PBX3: variants seen among roughly 807,000 people sequenced by gnomAD.
PBX3 encodes the protein pre-B-cell leukemia transcription factor 3.
In PBX3, 14 loss-of-function variants were observed where a neutral mutation model predicts 48.5. The observed-to-expected ratio is 0.29, with a 90% CI of 0.19 to 0.45. The LOEUF is 0.45. Among genes scored for constraint, PBX3 ranks in the 20% least tolerant of loss-of-function variants. PBX3 has a pLI of 1.00. For missense variants in PBX3, 386 were observed against 546.7 expected (o/e 0.71, Z 2.93); for synonymous variants, 210 against 200.3 (o/e 1.05, Z -0.41).
intron 2 of PBX3, among the ~76,000 whole-genome samples, chr9:125,868,179 G>GTTT (rs56660114): frequency 2.6e-4 from 39 of 147,464 alleles, no homozygotes; most frequent in African/African-American, 8.9e-4. Flanking sequence ...CCAGACTGCA[G>GTTT]TTTTTTTTTT....
intron 2 of PBX3, among the ~76,000 whole-genome samples, chr9:125,818,977 A>C (rs892267190): frequency 4.6e-5 from 7 of 151,744 alleles, no homozygotes; most frequent in African/African-American, 1.7e-4. Flanking sequence ...CTGGGACTAG[A>C]GGTATGCACC....
chr9:125,910,074 T>C (rs1292506423), intron 2 of PBX3, among the ~76,000 whole-genome samples: 3 of 152,178 alleles, frequency 2.0e-5, no homozygotes, highest in African/African-American at 7.2e-5. Flanking sequence ...TTATGGGGAA[T>C]CTTTCTAGTC....
chr9:125,794,593 T>G (rs769599132), intron 2 of PBX3, among the ~76,000 whole-genome samples: 33 of 151,968 alleles, frequency 2.2e-4, no homozygotes, highest in Non-Finnish European at 4.4e-5. Context: ...AAAAAGATTC[T>G]GAGAACAAAA....
intron 2 of PBX3, among the ~76,000 whole-genome samples, chr9:125,781,176 A>T (rs1290315170): frequency 1.3e-5 from 2 of 149,976 alleles, no homozygotes; most frequent in African/African-American, 4.9e-5. Flanking sequence ...GGCGGCTGGG[A>T]GATGGAGGTT....
chr9:125,866,368 T>G (rs1329685153), intron 2 of PBX3, among the ~76,000 whole-genome samples: 1 of 152,236 alleles, frequency 6.6e-6, no homozygotes. Context: ...GGGGTTAGTT[T>G]AAAATATGGC....
chr9:125,857,484 G>C (rs1214004425), intron 2 of PBX3, among the ~76,000 whole-genome samples: 3 of 151,998 alleles, frequency 2.0e-5, no homozygotes, highest in Non-Finnish European at 2.9e-5. Flanking sequence ...TTCTCCAAAA[G>C]CTTTAGGTAA....
At chr9:125,862,229 C>T (rs1588232359) in intron 2 of PBX3, among the ~76,000 whole-genome samples, 1 of 152,112 alleles carries the variant, frequency 6.6e-6, no homozygotes, top group African/African-American at 2.4e-5. Context: ...TTTCAGTCAA[C>T]AAACCATTTG....
At chr9:125,930,566 T>C (rs1362197495) in intron 4 of PBX3, among the ~76,000 whole-genome samples, 5 of 152,246 alleles carry the variant, frequency 3.3e-5, no homozygotes, top group Non-Finnish European at 7.3e-5. Flanking sequence ...ATTTTGTTTT[T>C]CTTTCTTCTC....
At chr9:125,882,527 G>T (rs1293341413) in intron 2 of PBX3, among the ~76,000 whole-genome samples, 1 of 152,130 alleles carries the variant, frequency 6.6e-6, no homozygotes, top group Non-Finnish European at 1.5e-5. Flanking sequence ...TAAAGAAGGC[G>T]CTATAGGTTA....
intron 2 of PBX3, among the ~76,000 whole-genome samples, chr9:125,870,115 C>G (rs1250618418): frequency 6.6e-6 from 1 of 151,448 alleles, no homozygotes; most frequent in Non-Finnish European, 1.5e-5. Flanking sequence ...TATCTCAGCT[C>G]ACTGAGACAG....
chr9:125,780,032 C>T (rs1317769919), intron 2 of PBX3, among the ~76,000 whole-genome samples: 1 of 142,064 alleles, frequency 7.0e-6, no homozygotes, highest in African/African-American at 2.6e-5. Flanking sequence ...CGCCCCTCAC[C>T]TCCCGGACGG....
chr9:125,929,812 T>C lies in PBX3; in HGVS notation c.674T>C (p.Val225Ala). 2 of 1,613,992 alleles carry C rather than the reference T, an allele frequency of 1.2e-6. No individual in the cohort carries two copies. The change falls in exon 4 of 9, where the codon GTT (valine) becomes GCT (alanine). Residue 225 changes from valine (V) to alanine (A), a missense_variant. Val to Ala is a moderately conservative substitution (Grantham distance 64, BLOSUM62 0). Coordinates refer to ENST00000373489, the MANE Select transcript of PBX3 (RefSeq NM_006195.6). ...CTCAAACAAAGCACTTGTGAAGCAG[T>C]TATGATTTTAAGATCAAGGTTCCTT... The part of the protein sequence containing the change: ...MQLKQSTCEA[V>A]MILRSRFLDA...
At chr9:125,943,395 A>G (rs1335235921) in intron 5 of PBX3, among the ~76,000 whole-genome samples, 3 of 140,512 alleles carry the variant, frequency 2.1e-5, no homozygotes, top group East Asian at 2.1e-4. Flanking sequence ...AAAAAAAAAA[A>G]AAAAGAAAGG....
chr9:125,758,368 C>T (rs577384922), intron 2 of PBX3, among the ~76,000 whole-genome samples: 1 of 151,542 alleles, frequency 6.6e-6, no homozygotes, highest in Admixed American at 6.6e-5. Flanking sequence ...TTTTAAATTT[C>T]TAATATTTTG....
intron 2 of PBX3, among the ~76,000 whole-genome samples, chr9:125,798,482 C>G (rs1440546497): frequency 6.9e-6 from 1 of 145,410 alleles, no homozygotes; most frequent in Non-Finnish European, 1.5e-5. Context: ...TTCCTCTTAT[C>G]CCCACCTCCC....
chr9:125,863,787 A>G (rs1470296727), intron 2 of PBX3, among the ~76,000 whole-genome samples: 1 of 152,156 alleles, frequency 6.6e-6, no homozygotes, highest in African/African-American at 2.4e-5. Flanking sequence ...TGTTCTTAAT[A>G]CTTAGCTTTG....
chr9:125,864,457 C>A (rs1464601887), intron 2 of PBX3, among the ~76,000 whole-genome samples: 1 of 152,132 alleles, frequency 6.6e-6, no homozygotes, highest in African/African-American at 2.4e-5. Context: ...CACTTTATTT[C>A]TATTATTATT....
At chr9:125,849,652 T>C (rs2132255744) in intron 2 of PBX3, among the ~76,000 whole-genome samples, 1 of 152,110 alleles carries the variant, frequency 6.6e-6, no homozygotes, top group Non-Finnish European at 1.5e-5. Context: ...TTTTTCCTTC[T>C]TTACAGTAGC....
chr9:125,894,939 A>G (rs1840735719), intron 2 of PBX3, among the ~76,000 whole-genome samples: 1 of 152,152 alleles, frequency 6.6e-6, no homozygotes, highest in African/African-American at 2.4e-5. Flanking sequence ...ACATTGCAGT[A>G]TACAAGGGTA....
Sources: gnomAD v4.1 joint callset for allele counts (sites outside exome capture counted in the v4.1 genomes callset) on GRCh38, gnomAD v4.1.1 for gene constraint, MANE v1.5 for transcripts, NCBI Gene and HGNC (gene_info 2026-07-23, HGNC 2026-07-21) for gene names.